Variants in PTPRD observed in about 807,000 individuals in gnomAD.
PTPRD encodes the protein protein tyrosine phosphatase receptor type D.
A neutral mutation model predicts 214.5 loss-of-function variants in PTPRD; 34 were observed. The ratio of observed to expected loss-of-function variants is 0.16; its 90% CI spans 0.12 to 0.21. PTPRD has a LOEUF of 0.21. PTPRD is among the 10% of genes least tolerant of loss of function. The pLI is 1.00. For synonymous variants in PTPRD, 1,128 were observed against 845.7 expected, an observed-to-expected ratio of 1.33 and a Z score of -5.79; for missense variants, 2,545 against 2,398.7, an observed-to-expected ratio of 1.06 and a Z score of -1.27.
chr9:9,481,173 G>C (rs577932696), intron 8 of PTPRD, among the ~76,000 whole-genome samples: 29 of 152,154 alleles, frequency 1.9e-4, no homozygotes, highest in African/African-American at 6.7e-4. Flanking sequence ...GGGCAGACTA[G>C]GCAGTAGACA....
At position 10,100,936 on chromosome 9, in the gene PTPRD, G is replaced by C. The variant is rs117021557; in HGVS notation, c.-544-67146C>G. 7.0e-3 allele frequency among the ~76,000 whole-genome samples: 1,062 copies of C among 151,820 alleles called. 8 individuals are homozygous for C. The highest frequency in any genetic ancestry group is 8.9e-3 in the Non-Finnish European group (604 of 67,806). The stretch of plus-strand genomic sequence containing the variant: ...CTGAGATAACGAAAAAGGTCAGTGA[G>C]ATTATTTTAACTTGGTCTTCATTGT... On this transcript the variant is annotated intron_variant, in intron 3 of 45. Coordinates refer to ENST00000381196, the MANE Select transcript of PTPRD (RefSeq NM_002839.4).
At chr9:9,580,384 G>A (rs770901811) in intron 7 of PTPRD, among the ~76,000 whole-genome samples, 1 of 151,588 alleles carries the variant, frequency 6.6e-6, no homozygotes, top group African/African-American at 2.4e-5. Flanking sequence ...TTGTCTTTTT[G>A]TTAATAGCCA....
Position 10,596,312 on chromosome 9 carries a change from G to T in PTPRD, c.-600+16086C>A, listed in dbSNP as rs575438736. Among the ~76,000 whole-genome samples, 3 of 151,580 alleles carry T rather than the reference G, an allele frequency of 2.0e-5. No individual in the cohort carries two copies. The South Asian group carries it at 6.2e-4, about 31-fold the overall frequency. ...GTAAAAGTTGTTAAAATTTCCCAAA[G>T]AATTTTATGTCTATAGTAACATATA... On this transcript the variant is annotated intron_variant, in intron 2 of 45. Coordinates refer to ENST00000381196, the MANE Select transcript of PTPRD (RefSeq NM_002839.4).
chr9:8,581,439 C>G (rs1160892224), intron 14 of PTPRD, among the ~76,000 whole-genome samples: 4 of 152,086 alleles, frequency 2.6e-5, no homozygotes, highest in African/African-American at 9.7e-5. Flanking sequence ...GACACATAAA[C>G]ATCATAAAGA....
chr9:10,442,819 G>A (rs2098769539), intron 2 of PTPRD, among the ~76,000 whole-genome samples: 1 of 151,268 alleles, frequency 6.6e-6, no homozygotes, highest in Non-Finnish European at 1.5e-5. Flanking sequence ...TTGCTTGTTG[G>A]GAAAATAGGA....
intron 2 of PTPRD, among the ~76,000 whole-genome samples, chr9:10,559,398 A>T (rs1043740403): frequency 5.9e-5 from 9 of 152,200 alleles, no homozygotes; most frequent in Non-Finnish European, 1.3e-4. Context: ...CATCAGTCAC[A>T]TTCCAAATAA....
At chr9:8,634,673 A>G (rs531433263) in intron 13 of PTPRD, among the ~76,000 whole-genome samples, 66 of 152,196 alleles carry the variant, frequency 4.3e-4, no homozygotes, top group African/African-American at 1.5e-3. Context: ...TCATAGTTTC[A>G]TATTGGAAGC....
chr9:8,488,709 C>T (rs1285748178), intron 27 of PTPRD, among the ~76,000 whole-genome samples: 1 of 152,192 alleles, frequency 6.6e-6, no homozygotes, highest in South Asian at 2.1e-4. Context: ...TGGCAGACAT[C>T]TTTAATTCCC....
rs1004281579 is a variant in PTPRD, at chr9:9,993,138, T to C, written c.-472+40580A>G. Among the ~76,000 whole-genome samples the C allele has an allele frequency of 5.4e-4, 82 of 152,176 alleles. 1 individual carries two copies. The highest frequency in any genetic ancestry group is 1.0e-4 in the Non-Finnish European group (7 of 68,026). ...ACATTCCCATGTGTATAATCACTAG[T>C]ATGAGTTGGCAAAGATGTGGAGTAA... On this transcript the variant is annotated intron_variant, in intron 4 of 45. Coordinates refer to ENST00000381196, the MANE Select transcript of PTPRD (RefSeq NM_002839.4).
intron 2 of PTPRD, among the ~76,000 whole-genome samples, chr9:10,566,774 C>T (rs1181444681): frequency 1.3e-5 from 2 of 151,930 alleles, no homozygotes; most frequent in East Asian, 3.9e-4. Context: ...CATGAAGATA[C>T]TCTCATAGCA....
intron 38 of PTPRD, 109 bp from the exon 39 acceptor site, chr9:8,376,199 C>G: frequency 1.6e-6 from 2 of 1,273,606 alleles, no homozygotes; most frequent in Non-Finnish European, 2.2e-6. Context: ...TTCCTTTCTA[C>G]CACCCTGTAG....
At chr9:9,676,716 T>G (rs543871491) in intron 7 of PTPRD, among the ~76,000 whole-genome samples, 1 of 152,272 alleles carries the variant, frequency 6.6e-6, no homozygotes, top group African/African-American at 2.4e-5. Context: ...ACTTCCACAA[T>G]GGTTGAACTA....
At chr9:9,796,072 G>A (rs1172509808) in intron 5 of PTPRD, among the ~76,000 whole-genome samples, 1 of 151,722 alleles carries the variant, frequency 6.6e-6, no homozygotes, top group Non-Finnish European at 1.5e-5. Context: ...TTTTTAATAT[G>A]CAATTTATTG....
At chr9:8,728,517 T>A (rs1277873282) in intron 12 of PTPRD, among the ~76,000 whole-genome samples, 2 of 152,186 alleles carry the variant, frequency 1.3e-5, no homozygotes, top group East Asian at 1.9e-4. Flanking sequence ...ATCTTTTTAA[T>A]AAGATATGTT....
rs563471740 is a variant in PTPRD at position 8,454,905 on chromosome 9, C to G, written c.3876-5068G>C. Among the ~76,000 whole-genome samples, 15 of 151,806 alleles carry G rather than the reference C, an allele frequency of 9.9e-5. 1 individual carries two copies. The highest frequency in any genetic ancestry group is 3.4e-4 in the African/African-American group (14 of 41,352). On this transcript the variant is annotated intron_variant, in intron 33 of 45. Coordinates refer to ENST00000381196, the MANE Select transcript of PTPRD (RefSeq NM_002839.4). ...AAAATACTGCCACAATTAATTATATCCCAGGAAGTGTTCGACAGTGGAGAG... is the reference window on the plus strand; with the variant it reads ...AAAATACTGCCACAATTAATTATATGCCAGGAAGTGTTCGACAGTGGAGAG...
At chr9:8,606,379 T>A (rs781682039) in intron 14 of PTPRD, among the ~76,000 whole-genome samples, 1 of 152,004 alleles carries the variant, frequency 6.6e-6, no homozygotes, top group Admixed American at 6.6e-5. Context: ...AGAAGGAAAA[T>A]CAATTACCTG....
At chr9:9,713,421 G>A (rs1332276224) in intron 7 of PTPRD, among the ~76,000 whole-genome samples, 1 of 152,132 alleles carries the variant, frequency 6.6e-6, no homozygotes, top group Non-Finnish European at 1.5e-5. Flanking sequence ...AGGACAGCAA[G>A]AAATGTGAGC....
At chr9:8,892,635 GTA>G (rs565616253) in intron 11 of PTPRD, among the ~76,000 whole-genome samples, 25 of 147,246 alleles carry the variant, frequency 1.7e-4, no homozygotes, top group Admixed American at 3.4e-4. Context: ...ATATATGTGT[GTA>G]TATATATGTG....
chr9:9,370,464 A>T (rs377237800), intron 9 of PTPRD, among the ~76,000 whole-genome samples: 34,478 of 148,192 alleles, frequency 0.23, 5,260 homozygotes, highest in African/African-American at 0.42. Flanking sequence ...TTGATTTTGT[A>T]TGCTGAGACT....
Sources: allele counts gnomAD v4.1 joint callset (sites outside exome capture counted in the v4.1 genomes callset), GRCh38; gene constraint gnomAD v4.1.1; transcripts MANE v1.5; gene names NCBI Gene and HGNC (gene_info 2026-07-23, HGNC 2026-07-21).